Variants in RPRD1A observed in about 807,000 individuals in gnomAD.
The protein encoded by RPRD1A is regulation of nuclear pre-mRNA domain containing 1A.
Under a neutral mutation model 37.8 loss-of-function variants are expected in RPRD1A, and 9 were observed. The observed-to-expected ratio is 0.24, with a 90% CI of 0.14 to 0.42. The LOEUF (loss-of-function observed/expected upper bound fraction) is 0.42, where lower values mean the gene tolerates loss of function less well. RPRD1A is among the 10% of genes least tolerant of loss of function. The probability of loss-of-function intolerance (pLI) is 1.00; values close to 1 mark genes in which losing one functional copy is unlikely to be tolerated. For missense variants in RPRD1A, 255 were observed against 371.0 expected, an observed-to-expected ratio of 0.69 and a Z score of 2.57; for synonymous variants, 138 against 139.7, an observed-to-expected ratio of 0.99 and a Z score of 0.08.
chr18:36,008,589 A>ATATATATATATATATATATCTC lies in RPRD1A; in HGVS notation c.790-15290_790-15289insGAGATATATATATATATATATA, dbSNP rs71381561. ...AGACCTTGTGTGTGTATATATATAT[A>ATATATATATATATATATATCTC]TCTTTAAAAATCTCTCTAGGAAAAA... is the stretch of plus-strand genomic sequence containing the variant. On this transcript the variant is annotated intron_variant, in intron 6 of 6. Transcript: ENST00000399022. Among the ~76,000 whole-genome samples, 735 of 90,786 alleles carry ATATATATATATATATATATCTC rather than the reference A, an allele frequency of 8.1e-3. 40 individuals are homozygous for ATATATATATATATATATATCTC. Among genetic ancestry groups the ATATATATATATATATATATCTC allele is most frequent in the Non-Finnish European group, 0.013 (576 of 44,824 alleles). The allele number at this position is 90,786 out of a possible 152,430, so 59.6% of individuals were successfully genotyped here.
intron 6 of RPRD1A, among the ~76,000 whole-genome samples, chr18:36,008,491 A>T (rs373091954): frequency 6.8e-6 from 1 of 147,220 alleles, no homozygotes; most frequent in South Asian, 2.2e-4. Flanking sequence ...AGTGAGGATC[A>T]CTTGAACTTA....
chr18:36,058,250 C>T (rs998591405), intron 1 of RPRD1A, among the ~76,000 whole-genome samples: 1 of 152,088 alleles, frequency 6.6e-6, no homozygotes, highest in African/African-American at 2.4e-5. Flanking sequence ...GCCACGTTAC[C>T]CAGGCTGGTC....
Position 36,067,151 on chromosome 18 carries a change from T to C in RPRD1A, c.151+103A>G, listed in dbSNP as rs910159913. 7.5e-6 allele frequency: 10 copies of C among 1,328,086 alleles called. No homozygotes were observed. In the African/African-American group the frequency reaches 1.3e-4, roughly 18 times the overall value. The allele number at this position is 1,328,086 out of a possible 1,614,324, so 82.3% of individuals were successfully genotyped here. A position where few individuals can be genotyped will look rare whatever the true frequency, so the allele number is the denominator to read the frequency against. On this transcript the variant is annotated intron_variant, in intron 1 of 6. Coordinates refer to ENST00000399022, the MANE Select transcript of RPRD1A (RefSeq NM_018170.5). ...GCCCGCAGACCACCGCGCGCTGGCA[T>C]CCCGACGCCGGGAAGCCGGGGGCGC...
chr18:36,013,936 T>G (rs990244375), intron 6 of RPRD1A, among the ~76,000 whole-genome samples: 10 of 152,142 alleles, frequency 6.6e-5, no homozygotes, highest in Non-Finnish European at 1.3e-4. Flanking sequence ...GGAAGGAGTC[T>G]GAGAGAAACT....
chr18:36,039,996 G>C (rs1228723639), intron 1 of RPRD1A, among the ~76,000 whole-genome samples: 1 of 152,054 alleles, frequency 6.6e-6, no homozygotes, highest in Non-Finnish European at 1.5e-5. Context: ...AAGTCATTTT[G>C]AAACAAAAAT....
intron 6 of RPRD1A, among the ~76,000 whole-genome samples, chr18:36,017,798 T>A (rs540772859): frequency 3.9e-5 from 6 of 152,320 alleles, no homozygotes; most frequent in African/African-American, 1.4e-4. Flanking sequence ...TGTTACATAC[T>A]TTAACGTAAA....
At chr18:36,060,404 A>C (rs1306016607) in intron 1 of RPRD1A, among the ~76,000 whole-genome samples, 2 of 152,156 alleles carry the variant, frequency 1.3e-5, no homozygotes, top group Non-Finnish European at 2.9e-5. Flanking sequence ...ACTGCACTCC[A>C]GCCTGGGCAA....
chr18:36,024,615 C>G (rs1414460538), intron 6 of RPRD1A, among the ~76,000 whole-genome samples: 1 of 152,118 alleles, frequency 6.6e-6, no homozygotes, highest in East Asian at 1.9e-4. Context: ...AATTCCCGAA[C>G]TGATACTTTA....
At chr18:35,993,755 G>A (rs1347958084) in intron 6 of RPRD1A, among the ~76,000 whole-genome samples, 1 of 152,124 alleles carries the variant, frequency 6.6e-6, no homozygotes, top group Non-Finnish European at 1.5e-5. Context: ...CCAGACTGCT[G>A]CAGCCAAGAA....
chr18:36,064,223 C>G (rs934402344), intron 1 of RPRD1A: 3 of 152,542 alleles, frequency 2.0e-5, no homozygotes, highest in African/African-American at 4.8e-5. Context: ...GGAGCCGGCT[C>G]CATCTGCTCT....
intron 6 of RPRD1A, chr18:36,025,563 T>G: frequency 9.5e-7 from 1 of 1,047,774 alleles, no homozygotes; most frequent in Non-Finnish European, 1.3e-6. Context: ...TACAGTCTTC[T>G]CTTCAATTTT....
chr18:36,005,668 T>A (rs573252910), intron 6 of RPRD1A, among the ~76,000 whole-genome samples: 6 of 152,190 alleles, frequency 3.9e-5, no homozygotes, highest in Non-Finnish European at 7.3e-5. Flanking sequence ...ATCCACAGCA[T>A]GAAAATGAAA....
chr18:36,030,924 T>A lies in RPRD1A; in HGVS notation c.389-19A>T. 1 of 1,602,218 alleles carries A rather than the reference T, an allele frequency of 6.2e-7. No individual in the cohort carries two copies. The highest frequency in any genetic ancestry group is 1.7e-4 in the Middle Eastern group (1 of 6,024). ...TCACCATCTGAAATGAAAGAACATT[T>A]AAGTATTAATGAAAGAATACATTTT... On this transcript the variant is annotated intron_variant, in intron 3 of 6. Transcript: ENST00000399022.
At chr18:36,055,978 C>A (rs142111805) in intron 1 of RPRD1A, among the ~76,000 whole-genome samples, 150 of 152,248 alleles carry the variant, frequency 9.9e-4, no homozygotes, top group African/African-American at 3.5e-3. Flanking sequence ...ATGCCTAGCA[C>A]TTCTATCAAG....
intron 1 of RPRD1A, among the ~76,000 whole-genome samples, chr18:36,058,578 C>T (rs1014734071): frequency 4.6e-5 from 7 of 152,186 alleles, no homozygotes; most frequent in South Asian, 4.1e-4. Context: ...AATTACGTTA[C>T]GGGCCAAAGG....
At chr18:36,033,392 A>G (rs1911954150) in intron 2 of RPRD1A, among the ~76,000 whole-genome samples, 1 of 151,980 alleles carries the variant, frequency 6.6e-6, no homozygotes, top group South Asian at 2.1e-4. Context: ...ATAAACACAC[A>G]AATTTTTACT....
At chr18:36,056,239 G>C (rs746229285) in intron 1 of RPRD1A, among the ~76,000 whole-genome samples, 1 of 151,782 alleles carries the variant, frequency 6.6e-6, no homozygotes, top group African/African-American at 2.4e-5. Flanking sequence ...GTTAAGGAGG[G>C]AATAGGAATG....
chr18:36,018,618 T>C (rs1439648929), intron 6 of RPRD1A, among the ~76,000 whole-genome samples: 1 of 152,116 alleles, frequency 6.6e-6, no homozygotes, highest in Non-Finnish European at 1.5e-5. Context: ...CACAAACACC[T>C]GAGTGCCTAC....
At chr18:36,017,071 G>A (rs896279304) in intron 6 of RPRD1A, among the ~76,000 whole-genome samples, 5 of 151,834 alleles carry the variant, frequency 3.3e-5, no homozygotes, top group Admixed American at 6.6e-5. Context: ...TCTGGGAGGC[G>A]AGGGCAGGTG....
Sources: allele counts gnomAD v4.1 joint callset (sites outside exome capture counted in the v4.1 genomes callset), GRCh38; gene constraint gnomAD v4.1.1; transcripts MANE v1.5; gene names NCBI Gene and HGNC (gene_info 2026-07-23, HGNC 2026-07-21).